ATAD3C: variants seen among roughly 807,000 people sequenced by gnomAD.
ATAD3C encodes ATPase family AAA domain-containing protein 3C.
In ATAD3C, 38 loss-of-function variants were observed where a neutral mutation model predicts 46.3. The observed-to-expected ratio is 0.82, with a 90% CI of 0.63 to 1.08. The LOEUF is 1.08. Ranked by LOEUF, ATAD3C falls within the 50% of genes least tolerant of loss-of-function variation. The probability of loss-of-function intolerance (pLI) is 0.00; values close to 1 mark genes in which losing one functional copy is unlikely to be tolerated. For missense variants in ATAD3C, 563 were observed against 572.7 expected (o/e 0.98, Z 0.17); for synonymous variants, 220 against 236.4 (o/e 0.93, Z 0.63).
At chr1:1,455,341 C>A in intron 4 of ATAD3C, 119 bp from the exon 5 acceptor site, 1 of 1,431,406 alleles carries the variant, frequency 7.0e-7, no homozygotes, top group Non-Finnish European at 9.5e-7. Flanking sequence ...AGCTCCAGGC[C>A]GGTCCTGGCT....
Position 1,462,547 on chromosome 1 carries a change from C to T in ATAD3C, c.981-53C>T, listed in dbSNP as rs1639085268. 3.3e-6 allele frequency: 5 copies of T among 1,504,188 alleles called. No individual in the cohort carries two copies. Among genetic ancestry groups the T allele is most frequent in the African/African-American group, 1.4e-5 (1 of 72,688 alleles). 93.2% of individuals were successfully genotyped at this position (1,504,188 alleles called of 1,614,324 possible). A position where few individuals can be genotyped will look rare whatever the true frequency, so the allele number is the denominator to read the frequency against. On this transcript the variant is annotated intron_variant, in intron 10 of 11. Transcript: ENST00000378785. This position sits in a 1 kb window ranked among gnomAD's most constrained non-coding sequence, Gnocchi z 4.5. ...GCTGCCTGTCTTCCGGCCTCCACCTCGTGGTGTGGGAGCTGCTGCCTTGGC... is the reference window on the plus strand; with the variant it reads ...GCTGCCTGTCTTCCGGCCTCCACCTTGTGGTGTGGGAGCTGCTGCCTTGGC...
intron 8 of ATAD3C, among the ~76,000 whole-genome samples, chr1:1,457,630 T>G (rs1247379356): frequency 6.7e-6 from 1 of 149,634 alleles, no homozygotes; most frequent in East Asian, 1.9e-4. Context: ...AAAACAGCAT[T>G]TTTTTAGGTC....
chr1:1,468,940 G>A lies in ATAD3C; in HGVS notation c.*410G>A, dbSNP rs1639194056. On this transcript the variant is annotated 3_prime_UTR_variant, in exon 12 of 12. Coordinates refer to ENST00000378785, the MANE Select transcript of ATAD3C (RefSeq NM_001039211.3). ...GACACAGCGGCTTCAAATAGATGCC[G>A]CCCCTGCCCGCGCTTTGCAGCTAGT... The A allele has an allele frequency of 9.0e-6, 2 of 221,342 alleles. No individual in the cohort carries two copies. Among genetic ancestry groups the A allele is most frequent in the Non-Finnish European group, 1.8e-5 (2 of 111,418 alleles). 13.7% of individuals were successfully genotyped at this position (221,342 alleles called of 1,614,324 possible). A position where few individuals can be genotyped will look rare whatever the true frequency, so the allele number is the denominator to read the frequency against.
chr1:1,462,230 A>G lies in ATAD3C; in HGVS notation c.981-370A>G, dbSNP rs1037188564. Among the ~76,000 whole-genome samples, 12 of 151,794 alleles carry G rather than the reference A, an allele frequency of 7.9e-5. No homozygotes were observed. Among genetic ancestry groups the G allele is most frequent in the South Asian group, 2.1e-4 (1 of 4,782 alleles). ...GCCCTCCCCTTCCCTGGGCTCCCCGACACCCATGGCTGCTCGTAGCTCTGG... is the reference window on the plus strand; with the variant it reads ...GCCCTCCCCTTCCCTGGGCTCCCCGGCACCCATGGCTGCTCGTAGCTCTGG... On this transcript the variant is annotated intron_variant, in intron 10 of 11. Coordinates refer to ENST00000378785, the MANE Select transcript of ATAD3C (RefSeq NM_001039211.3). The surrounding 1 kb of genome is among the most constrained non-coding windows in gnomAD (Gnocchi z 4.5).
chr1:1,466,918 T>A (rs1192022685), intron 11 of ATAD3C, among the ~76,000 whole-genome samples: 2 of 152,004 alleles, frequency 1.3e-5, no homozygotes, highest in African/African-American at 2.4e-5. Context: ...TCCAAGAGTT[T>A]GAGGAGTGGT....
chr1:1,459,550 G>A lies in ATAD3C; in HGVS notation c.812+319G>A, dbSNP rs1482084900. ...TGCCTGCAAGGGAGGTGGTCTCATCGTGTGAGGCTCTGCTGGGTCTCCCTT... is the reference window on the plus strand; with the variant it reads ...TGCCTGCAAGGGAGGTGGTCTCATCATGTGAGGCTCTGCTGGGTCTCCCTT... On this transcript the variant is annotated intron_variant, in intron 9 of 11. Transcript: ENST00000378785. This position sits in a 1 kb window ranked among gnomAD's most constrained non-coding sequence, Gnocchi z 4.9. 6.6e-6 allele frequency among the ~76,000 whole-genome samples: 1 copy of A among 151,814 alleles called. No homozygotes were observed. Among genetic ancestry groups the A allele is most frequent in the East Asian group, 1.9e-4 (1 of 5,170 alleles).
Position 1,460,674 on chromosome 1 carries a change from G to A in ATAD3C, c.813-76G>A, listed in dbSNP as rs984071267. ...TCTCCCAGAAAGTCTTCCTGAGGGGGCTGAGGAGCACCTGTTCCCCTGGGG... is the reference window on the plus strand; with the variant it reads ...TCTCCCAGAAAGTCTTCCTGAGGGGACTGAGGAGCACCTGTTCCCCTGGGG... On this transcript the variant is annotated intron_variant, in intron 9 of 11. Coordinates refer to ENST00000378785, the MANE Select transcript of ATAD3C (RefSeq NM_001039211.3). 1.1e-5 allele frequency: 16 copies of A among 1,468,518 alleles called. 1 individual carries two copies. In the Admixed American group the frequency reaches 1.2e-4, roughly 11 times the overall value. The allele number at this position is 1,468,518 out of a possible 1,614,324, so 91.0% of individuals were successfully genotyped here.
Position 1,457,103 on chromosome 1 carries a change from C to T in ATAD3C, c.690-26C>T, listed in dbSNP as rs367970596. On this transcript the variant is annotated intron_variant, in intron 7 of 11. Coordinates refer to ENST00000378785, the MANE Select transcript of ATAD3C (RefSeq NM_001039211.3). Reference sequence around the variant, plus strand: ...GGCTGCTCCTGGCATCACTCTCACCCAGCTTGGCCTCCCTCTCGTCCACAG... The same window carrying T: ...GGCTGCTCCTGGCATCACTCTCACCTAGCTTGGCCTCCCTCTCGTCCACAG... 20 of 1,612,814 alleles carry T rather than the reference C, an allele frequency of 1.2e-5. 1 individual carries two copies. The Middle Eastern group carries it at 5.1e-4, about 41-fold the overall frequency.
rs555842606 is a variant in ATAD3C, at chr1:1,458,800, G to A, written c.742-361G>A. On this transcript the variant is annotated intron_variant, in intron 8 of 11. Coordinates refer to ENST00000378785, the MANE Select transcript of ATAD3C (RefSeq NM_001039211.3). ...TGCAGCGGTGCCATTTCAGCTCGCT[G>A]CAACCTCTGCCTCCCAGGTTTAAGT... 2.6e-5 allele frequency among the ~76,000 whole-genome samples: 4 copies of A among 151,256 alleles called. No homozygotes were observed. The South Asian group carries it at 6.3e-4, about 24-fold the overall frequency.
In ATAD3C at chr1:1,452,424, T is replaced by A. The variant is rs1410748060; in HGVS notation, c.212T>A (p.Val71Glu). ...GCCTTTGTGACAGACCGGGACAAAGTGACAGCCACGGTAAACATACTCATA... is the reference window on the plus strand; with the variant it reads ...GCCTTTGTGACAGACCGGGACAAAGAGACAGCCACGGTAAACATACTCATA... ...FRAFVTDRDK[V>E]TATVAGLTLL... is the part of the protein sequence containing the mutation. The change falls in exon 3 of 12, where the codon GTG (valine) becomes GAG (glutamate). Residue 71 changes from valine (V) to glutamate (E), a missense_variant. Around this residue, in one of 3 missense-constraint regions of ATAD3C, gnomAD observed 263 missense variants for 243.1 expected, o/e 1.08. Coordinates refer to ENST00000378785, the MANE Select transcript of ATAD3C (RefSeq NM_001039211.3). 1.9e-6 allele frequency: 3 copies of A among 1,613,636 alleles called. No homozygotes were observed. The South Asian group carries it at 3.3e-5, about 18-fold the overall frequency.
At chr1:1,457,075 G>A in intron 7 of ATAD3C, 54 bp from the exon 8 acceptor site, 1 of 1,609,986 alleles carries the variant, frequency 6.2e-7, no homozygotes, top group Non-Finnish European at 8.5e-7. Flanking sequence ...GGACGCCGCT[G>A]TGGGCTGCTC....
chr1:1,451,635 G>T (rs577080422), intron 1 of ATAD3C, among the ~76,000 whole-genome samples: 3 of 152,042 alleles, frequency 2.0e-5, no homozygotes. Context: ...TGTGAGCCAC[G>T]GTGCCCGGCC....
intron 9 of ATAD3C, among the ~76,000 whole-genome samples, chr1:1,460,113 C>T (rs1639031506): frequency 6.8e-6 from 1 of 147,910 alleles, no homozygotes; most frequent in African/African-American, 2.5e-5. Flanking sequence ...GCTTTTTCTG[C>T]CCAGGCTGAG....
rs1292491213 is a variant in ATAD3C, at chr1:1,450,847, CG to C, written c.75+94del. 3.1e-5 allele frequency: 48 copies of C among 1,570,110 alleles called. 1 individual carries two copies. Among genetic ancestry groups the C allele is most frequent in the Admixed American group, 5.5e-5 (3 of 54,474 alleles). On this transcript the variant is annotated intron_variant, in intron 1 of 11. Transcript: ENST00000378785. ...TAGGGCTACTGCCGGTGGGTAGGGC[CG>C]GGGGTGTGTACATGGGCAGCAGTGG...
chr1:1,467,541 G>A (rs1438273325), intron 11 of ATAD3C, among the ~76,000 whole-genome samples: 4 of 152,066 alleles, frequency 2.6e-5, no homozygotes, highest in Non-Finnish European at 2.9e-5. Context: ...TCGTGGTGAC[G>A]GTGTTGTGGG....
chr1:1,453,491 C>A (rs1056278119), intron 3 of ATAD3C, among the ~76,000 whole-genome samples: 2 of 151,780 alleles, frequency 1.3e-5, no homozygotes, highest in African/African-American at 2.4e-5. Flanking sequence ...TGTGTACCAC[C>A]ATGCCCGGCC....
intron 3 of ATAD3C, among the ~76,000 whole-genome samples, chr1:1,452,663 C>T (rs1164964417): frequency 6.6e-6 from 1 of 151,866 alleles, no homozygotes; most frequent in Non-Finnish European, 1.5e-5. Flanking sequence ...CATCTCTACA[C>T]ATGGCACGTG....
intron 9 of ATAD3C, among the ~76,000 whole-genome samples, chr1:1,460,098 T>C (rs1282056749): frequency 7.7e-6 from 1 of 130,212 alleles, no homozygotes; most frequent in Non-Finnish European, 1.6e-5. Flanking sequence ...TGAGATGGAG[T>C]TTTTGCTTTT....
At chr1:1,451,957 C>T (rs754595153) in intron 1 of ATAD3C, 89 bp from the exon 2 acceptor site, 52 of 1,544,800 alleles carry the variant, frequency 3.4e-5, no homozygotes, top group East Asian at 4.7e-5. Context: ...TGGAGCCCTG[C>T]GGTCCTGGGG....
Sources: gnomAD v4.1 joint callset for allele counts (sites outside exome capture counted in the v4.1 genomes callset) on GRCh38, gnomAD v4.1.1 for gene constraint, gnomAD v4.1.1 regional missense constraint, Gnocchi (gnomAD v3.1) non-coding constraint, MANE v1.5 for transcripts, NCBI Gene and HGNC (gene_info 2026-07-23, HGNC 2026-07-21) for gene names.